Variants in TANC2 observed in about 807,000 individuals in gnomAD.
TANC2 encodes the protein tetratricopeptide repeat, ankyrin repeat and coiled-coil containing 2.
A neutral mutation model predicts 210.5 loss-of-function variants in TANC2; 26 were observed. That is an observed-to-expected ratio of 0.12 (90% confidence interval 0.09 to 0.17). TANC2 has a LOEUF of 0.17. TANC2 is among the 10% of genes least tolerant of loss of function. The pLI is 1.00. For missense variants in TANC2, 2,129 were observed against 2,608.9 expected, an observed-to-expected ratio of 0.82 and a Z score of 4.01; for synonymous variants, 931 against 967.1, an observed-to-expected ratio of 0.96 and a Z score of 0.69.
chr17:63,038,380 A>G (rs1157511890), intron 2 of TANC2, among the ~76,000 whole-genome samples: 1 of 152,140 alleles, frequency 6.6e-6, no homozygotes, highest in Non-Finnish European at 1.5e-5. Flanking sequence ...ACCTACTCAT[A>G]GTTTGTTGTT....
In TANC2 at chr17:63,072,014, A is replaced by G. The variant is rs868140724; in HGVS notation, c.68-1929A>G. ...GTTCTCAGCTGTGAAATAGGTCTTTACTTCATAGGGCTTTGATGAACTATG... is the reference window on the plus strand; with the variant it reads ...GTTCTCAGCTGTGAAATAGGTCTTTGCTTCATAGGGCTTTGATGAACTATG... On this transcript the variant is annotated intron_variant, in intron 2 of 27. Transcript: ENST00000689528. Among the ~76,000 whole-genome samples, 20 of 152,260 alleles carry G rather than the reference A, an allele frequency of 1.3e-4. No individual in the cohort carries two copies. The Middle Eastern group carries it at 0.01, about 78-fold the overall frequency.
At chr17:63,395,865 A>G (rs2048140556) in exon 18 of TANC2, 2 of 1,611,386 alleles carry the variant, frequency 1.2e-6, no homozygotes, top group South Asian at 2.2e-5. Flanking sequence ...AGCAAGGAGT[A>G]TTTAAGAAGA....
chr17:63,299,730 A>C (rs1300735401), intron 9 of TANC2, among the ~76,000 whole-genome samples: 1 of 151,580 alleles, frequency 6.6e-6, no homozygotes. Context: ...CATTCTGTAG[A>C]TTGCCTGTTC....
intron 2 of TANC2, among the ~76,000 whole-genome samples, chr17:63,022,289 C>T (rs895847830): frequency 5.4e-5 from 8 of 148,426 alleles, no homozygotes; most frequent in Admixed American, 2.7e-4. Flanking sequence ...TGCAGTGAGC[C>T]GAGATCATGC....
rs1009488988 is a variant in TANC2, at chr17:63,418,674, C to T, written c.4268+267C>T. Among the ~76,000 whole-genome samples the T allele has an allele frequency of 1.3e-5, 2 of 152,162 alleles. No individual in the cohort carries two copies. Among genetic ancestry groups the T allele is most frequent in the African/African-American group, 2.4e-5 (1 of 41,432 alleles). On this transcript the variant is annotated intron_variant, in intron 27 of 27. Transcript: ENST00000689528. The surrounding 1 kb of genome is among the most constrained non-coding windows in gnomAD (Gnocchi z 4.6). ...GCAGCTTCTTCCAAGAAGCCTCTGCCGTATCTCAGGCATTTTTCAACCCCC... is the reference window on the plus strand; with the variant it reads ...GCAGCTTCTTCCAAGAAGCCTCTGCTGTATCTCAGGCATTTTTCAACCCCC...
chr17:63,335,895 T>A (rs919015686), intron 11 of TANC2, among the ~76,000 whole-genome samples: 2 of 152,086 alleles, frequency 1.3e-5, no homozygotes, highest in Admixed American at 1.3e-4. Context: ...GTGTACTACT[T>A]TTGCAACATT....
intron 5 of TANC2, among the ~76,000 whole-genome samples, chr17:63,186,286 G>A (rs920062094): frequency 6.6e-5 from 10 of 150,544 alleles, no homozygotes; most frequent in African/African-American, 2.4e-4. Flanking sequence ...TTGTCTAGCT[G>A]TGTCTTAATT....
At chr17:63,136,776 G>T (rs1346963305) in intron 4 of TANC2, among the ~76,000 whole-genome samples, 1 of 152,172 alleles carries the variant, frequency 6.6e-6, no homozygotes. Context: ...CTGAGAGAAA[G>T]GGCGTGGGTT....
chr17:63,409,431 C>T (rs1444714644), intron 21 of TANC2, among the ~76,000 whole-genome samples: 5 of 152,146 alleles, frequency 3.3e-5, no homozygotes, highest in African/African-American at 1.2e-4. Context: ...AGCAGTCCTC[C>T]CACCTCGGCC....
intron 10 of TANC2, among the ~76,000 whole-genome samples, chr17:63,315,159 C>G (rs2045275112): frequency 6.6e-6 from 1 of 152,130 alleles, no homozygotes; most frequent in Non-Finnish European, 1.5e-5. Context: ...GTGCTGAGCT[C>G]TCATATGTAT....
intron 11 of TANC2, among the ~76,000 whole-genome samples, chr17:63,329,291 A>T (rs949090499): frequency 6.6e-6 from 1 of 152,164 alleles, no homozygotes; most frequent in Admixed American, 6.6e-5. Flanking sequence ...AATTGAGGAA[A>T]AGACCAAAAC....
intron 9 of TANC2, among the ~76,000 whole-genome samples, chr17:63,277,675 A>G (rs764104720): frequency 1.3e-5 from 2 of 152,094 alleles, no homozygotes; most frequent in Non-Finnish European, 2.9e-5. Context: ...AATTTAAAGA[A>G]TAGACACTGC....
rs796834410 is a variant in TANC2, at chr17:63,257,074, A to T, written c.1034-10674A>T. Among the ~76,000 whole-genome samples the T allele has an allele frequency of 3.7e-3, 470 of 125,690 alleles. 2 individuals carry two copies. Among genetic ancestry groups the T allele is most frequent in the African/African-American group, 9.3e-3 (347 of 37,372 alleles). 82.5% of individuals were successfully genotyped at this position (125,690 alleles called of 152,430 possible). ...TTTTTTGTTTGGTTGGTTGGTTGGT[A>T]TTTTTTTTTTTTTTTTGGTCCATTC... On this transcript the variant is annotated intron_variant, in intron 8 of 27. Transcript: ENST00000689528.
chr17:63,297,366 C>T (rs991829765), intron 9 of TANC2, among the ~76,000 whole-genome samples: 3 of 151,252 alleles, frequency 2.0e-5, no homozygotes, highest in Non-Finnish European at 2.9e-5. Context: ...TAGGAATACA[C>T]ATAAAAGACC....
chr17:63,141,425 G>A (rs570883661), intron 4 of TANC2, among the ~76,000 whole-genome samples: 4 of 130,900 alleles, frequency 3.1e-5, no homozygotes, highest in Non-Finnish European at 4.8e-5. Context: ...AAATTAGCCC[G>A]GCATGGTGGT....
intron 8 of TANC2, among the ~76,000 whole-genome samples, chr17:63,250,282 GTATTTATT>G (rs372173982): frequency 1.3e-4 from 19 of 150,778 alleles, no homozygotes; most frequent in East Asian, 5.8e-4. Flanking sequence ...AAATATTATA[GTATTTATT>G]TATTTATTTA....
At chr17:63,379,725 C>A in exon 15 of TANC2, 1 of 1,608,242 alleles carries the variant, frequency 6.2e-7, no homozygotes, top group South Asian at 1.1e-5. Flanking sequence ...CAGGAGTGGT[C>A]ACACGTTACT....
intron 11 of TANC2, among the ~76,000 whole-genome samples, chr17:63,337,155 C>G (rs2046059536): frequency 2.6e-5 from 4 of 152,200 alleles, no homozygotes; most frequent in Admixed American, 1.3e-4. Flanking sequence ...TTTTGAGCCA[C>G]AGTGCAAATC....
chr17:63,156,398 T>C (rs1001241157), intron 5 of TANC2, among the ~76,000 whole-genome samples: 1 of 149,598 alleles, frequency 6.7e-6, no homozygotes, highest in Admixed American at 6.7e-5. Flanking sequence ...AAAGAAGAAA[T>C]GCTATTGTAA....
Sources: gnomAD v4.1 joint callset for allele counts (sites outside exome capture counted in the v4.1 genomes callset) on GRCh38, gnomAD v4.1.1 for gene constraint, Gnocchi (gnomAD v3.1) non-coding constraint, MANE v1.5 for transcripts, NCBI Gene and HGNC (gene_info 2026-07-23, HGNC 2026-07-21) for gene names.